Variants in SOX6 observed in about 807,000 individuals in gnomAD.
SOX6 encodes the protein transcription factor SOX-6.
SOX6 carries 11 observed loss-of-function variants against 97.8 expected under a neutral mutation model. That is an observed-to-expected ratio of 0.11 (90% CI 0.07 to 0.19). The LOEUF (loss-of-function observed/expected upper bound fraction) is 0.19. SOX6 is among the 10% of genes least tolerant of loss of function. The pLI, the probability that SOX6 is intolerant of heterozygous loss-of-function variation, is 1.00. For missense variants in SOX6, 810 were observed against 1,039.5 expected, an observed-to-expected ratio of 0.78 and a Z score of 3.04; for synonymous variants, 360 against 371.4, an observed-to-expected ratio of 0.97 and a Z score of 0.35.
At chr11:16,306,179 C>T (rs1244473299) in intron 3 of SOX6, among the ~76,000 whole-genome samples, 1 of 152,132 alleles carries the variant, frequency 6.6e-6, no homozygotes, top group Non-Finnish European at 1.5e-5. Context: ...CCTGGTTGTG[C>T]TATTATACAA....
chr11:16,133,780 C>T (rs1380354904), intron 6 of SOX6, among the ~76,000 whole-genome samples: 1 of 152,124 alleles, frequency 6.6e-6, no homozygotes, highest in East Asian at 1.9e-4. Flanking sequence ...CCTCTGCCTC[C>T]CAGGTTCAAG....
rs562050010 is a variant in SOX6 at position 16,484,657 on chromosome 11, G to A, written n.610-8269C>T. ...ACATCCTGGCACCGTTGCTGAGCACGAAGTGGCTGGCCATGGCTGCTGCGC... is the reference window on the plus strand; with the variant it reads ...ACATCCTGGCACCGTTGCTGAGCACAAAGTGGCTGGCCATGGCTGCTGCGC... On this transcript the variant is annotated intron_variant and non_coding_transcript_variant, in intron 4 of 5. Transcript: ENST00000524520. 1.4e-3 allele frequency: 864 copies of A among 636,382 alleles called. 21 individuals carry two copies. The South Asian group carries it at 0.014, about 10-fold the overall frequency. 39.4% of individuals were successfully genotyped at this position (636,382 alleles called of 1,614,324 possible).
intron 15 of SOX6, among the ~76,000 whole-genome samples, chr11:15,983,085 CAT>C (rs1853720435): frequency 6.6e-6 from 1 of 152,084 alleles, no homozygotes; most frequent in African/African-American, 2.4e-5. Context: ...TTTCTGTACA[CAT>C]GAGTTTCAGA....
chr11:16,649,203 A>G (rs1250902470), intron 3 of SOX6, among the ~76,000 whole-genome samples: 2 of 152,222 alleles, frequency 1.3e-5, no homozygotes, highest in East Asian at 3.8e-4. Flanking sequence ...ATTTGAGGGA[A>G]TAATTGAGGA....
chr11:16,270,654 A>AACAC (rs57034455), intron 3 of SOX6, among the ~76,000 whole-genome samples: 5 of 149,378 alleles, frequency 3.3e-5, no homozygotes, highest in East Asian at 2.0e-4. Context: ...CACACACACA[A>AACAC]ACACACACAC....
At chr11:16,393,437 T>C (rs940273119) in intron 1 of SOX6, among the ~76,000 whole-genome samples, 2 of 151,910 alleles carry the variant, frequency 1.3e-5, no homozygotes, top group Non-Finnish European at 2.9e-5. Context: ...TACCTGCACA[T>C]ATATATATAA....
chr11:16,222,064 G>A (rs1448586841), intron 4 of SOX6, among the ~76,000 whole-genome samples: 1 of 152,022 alleles, frequency 6.6e-6, no homozygotes, highest in African/African-American at 2.4e-5. Flanking sequence ...ATCAAAATGA[G>A]GTCAGATTGC....
intron 3 of SOX6, among the ~76,000 whole-genome samples, chr11:16,283,044 T>C (rs1440338193): frequency 7.7e-6 from 1 of 129,600 alleles, no homozygotes; most frequent in African/African-American, 2.8e-5. Context: ...TATATATATG[T>C]AAATTATATA....
chr11:16,701,420 G>A (rs1245913658), intron 3 of SOX6, among the ~76,000 whole-genome samples: 1 of 151,988 alleles, frequency 6.6e-6, no homozygotes, highest in Admixed American at 6.6e-5. Flanking sequence ...AGTAACTATC[G>A]TTACTATTAC....
chr11:16,259,643 T>C (rs1448220703), intron 3 of SOX6, among the ~76,000 whole-genome samples: 2 of 152,074 alleles, frequency 1.3e-5, no homozygotes, highest in Non-Finnish European at 2.9e-5. Flanking sequence ...TTATGATGAG[T>C]GGAAAAAGTC....
intron 1 of SOX6, among the ~76,000 whole-genome samples, chr11:16,425,444 T>G (rs1433697563): frequency 6.6e-6 from 1 of 152,162 alleles, no homozygotes; most frequent in Admixed American, 6.5e-5. Context: ...CTATTCAGCG[T>G]AGTATTGGAA....
chr11:16,026,544 C>T (rs1855221298), intron 12 of SOX6, among the ~76,000 whole-genome samples: 1 of 152,204 alleles, frequency 6.6e-6, no homozygotes, highest in Admixed American at 6.5e-5. Context: ...GCCCAGAATA[C>T]ATCTCTTTTT....
intron 1 of SOX6, among the ~76,000 whole-genome samples, chr11:16,362,771 GAATCAAGGTC>G (rs1247193535): frequency 2.6e-5 from 4 of 152,054 alleles, no homozygotes; most frequent in African/African-American, 4.8e-5. Context: ...ATTTTCTGGG[GAATCAAGGTC>G]AATAAGCACG....
chr11:16,073,117 G>A (rs1417086202), intron 9 of SOX6, among the ~76,000 whole-genome samples: 3 of 152,070 alleles, frequency 2.0e-5, no homozygotes, highest in African/African-American at 7.2e-5. Context: ...GAATGTAAAT[G>A]GGCTAAATGC....
intron 6 of SOX6, among the ~76,000 whole-genome samples, chr11:16,127,482 T>A (rs779026064): frequency 6.6e-5 from 10 of 152,064 alleles, no homozygotes; most frequent in Non-Finnish European, 1.2e-4. Context: ...CACAATGTGA[T>A]TTAAAAATAA....
At chr11:16,536,528 CG>C (rs1407526857) in intron 4 of SOX6, among the ~76,000 whole-genome samples, 2 of 152,146 alleles carry the variant, frequency 1.3e-5, no homozygotes, top group Non-Finnish European at 2.9e-5. Context: ...CACAAGGGGT[CG>C]GGGATCTCCC....
chr11:16,203,286 A>G (rs1010629424), intron 4 of SOX6, among the ~76,000 whole-genome samples: 4 of 151,392 alleles, frequency 2.6e-5, no homozygotes, highest in Admixed American at 2.6e-4. Context: ...TTCTTTAAGC[A>G]AAGAGTGAAT....
chr11:15,984,890 A>G (rs1043721636), intron 15 of SOX6, among the ~76,000 whole-genome samples: 5 of 152,208 alleles, frequency 3.3e-5, no homozygotes, highest in Non-Finnish European at 5.9e-5. Flanking sequence ...ATTAAGCACT[A>G]TATAAAGTAC....
chr11:16,566,549 C>T lies in SOX6; in HGVS notation n.609+45532G>A, dbSNP rs760964424. ...GCTAAGCCTATTGTATCTCATCTATCAGAAACTCAGCCAAAGCATTATTGC... is the reference window on the plus strand; with the variant it reads ...GCTAAGCCTATTGTATCTCATCTATTAGAAACTCAGCCAAAGCATTATTGC... On this transcript the variant is annotated intron_variant and non_coding_transcript_variant, in intron 4 of 5. Coordinates refer to the SOX6 transcript ENST00000524520. 2.0e-5 allele frequency among the ~76,000 whole-genome samples: 3 copies of T among 152,342 alleles called. No homozygotes were observed. In the East Asian group the frequency reaches 5.8e-4, roughly 29 times the overall value.
Sources: gnomAD v4.1 joint callset for allele counts (sites outside exome capture counted in the v4.1 genomes callset) on GRCh38, gnomAD v4.1.1 for gene constraint, MANE v1.5 for transcripts, NCBI Gene and HGNC (gene_info 2026-07-23, HGNC 2026-07-21) for gene names.